Variants in ZNF622 observed in about 807,000 individuals in gnomAD.
ZNF622 encodes the protein zinc finger protein 622.
In ZNF622, 34 loss-of-function variants were observed where a neutral mutation model predicts 49.7. That is an observed-to-expected ratio of 0.68 (90% confidence interval 0.52 to 0.91). The LOEUF (loss-of-function observed/expected upper bound fraction) is 0.91, where lower values mean the gene tolerates loss of function less well. ZNF622 is among the 40% of genes least tolerant of loss of function. The pLI is 0.00. For missense variants in ZNF622, 569 were observed against 616.4 expected (o/e 0.92, Z 0.81); for synonymous variants, 209 against 228.7 (o/e 0.91, Z 0.78).
At chr5:16,460,710 T>C (rs1213763555) in intron 3 of ZNF622, among the ~76,000 whole-genome samples, 1 of 152,182 alleles carries the variant, frequency 6.6e-6, no homozygotes, top group Admixed American at 6.5e-5. Context: ...GGCTGACTTT[T>C]ATTTTTTTAA....
At position 16,463,200 on chromosome 5, in the gene ZNF622, T is replaced by A; in HGVS notation, c.957A>T (p.Glu319Asp). 6.2e-7 allele frequency: 1 copy of A among 1,613,910 alleles called. No homozygotes were observed. ...TGTCATTCATATGTGCCTGTACAGCTTCTGTGGAGTAGAAGGACTTCCCTT... is the reference window on the plus strand; with the variant it reads ...TGTCATTCATATGTGCCTGTACAGCATCTGTGGAGTAGAAGGACTTCCCTT... ...NEKGKSFYST[E>D]AVQAHMNDKS... Residue 319 changes from glutamate to aspartate, a missense_variant, in exon 3 of 6, where the codon GAA becomes GAT. By Grantham distance (45) the Glu-to-Asp change is conservative. Coordinates refer to ENST00000308683, the MANE Select transcript of ZNF622 (RefSeq NM_033414.3). The surrounding 1 kb of genome is among the most constrained non-coding windows in gnomAD (Gnocchi z 4.2).
intron 3 of ZNF622, among the ~76,000 whole-genome samples, 178 bp from the exon 4 acceptor site, chr5:16,458,807 T>C (rs917071392): frequency 6.6e-6 from 1 of 152,254 alleles, no homozygotes; most frequent in Non-Finnish European, 1.5e-5. Flanking sequence ...TAGCATTTTG[T>C]CTGTAGTAGA....
At chr5:16,452,446 T>A (rs1241784474) in intron 5 of ZNF622, among the ~76,000 whole-genome samples, 1 of 152,086 alleles carries the variant, frequency 6.6e-6, no homozygotes, top group Non-Finnish European at 1.5e-5. Flanking sequence ...AAATTTTCTA[T>A]GGGAAAATTA....
At position 16,465,687 on chromosome 5, in the gene ZNF622, C is replaced by G. The variant is rs1738210571; in HGVS notation, c.-22G>C. ...CCATTGCCAGGCGAGAAATAAGAAC[C>G]GACCAAGCCAAACACCTGGTGATCA... On this transcript the variant is annotated 5_prime_UTR_variant, in exon 1 of 6. Transcript: ENST00000308683. The surrounding 1 kb of genome is among the most constrained non-coding windows in gnomAD (Gnocchi z 6.2). The G allele has an allele frequency of 6.5e-7, 1 of 1,543,184 alleles. No individual in the cohort carries two copies. The highest frequency in any genetic ancestry group is 1.4e-5 in the African/African-American group (1 of 72,754).
chr5:16,452,991 G>A, intron 5 of ZNF622, 22 bp downstream of exon 5: 3 of 1,428,824 alleles, frequency 2.1e-6, no homozygotes, highest in South Asian at 1.6e-5. Flanking sequence ...AGACTGGTCT[G>A]TAGTTGTAAA....
rs750621849 is a variant in ZNF622 at position 16,463,730 on chromosome 5, A to G, written c.638T>C (p.Ile213Thr). The change falls in exon 2 of 6, where the codon ATT becomes ACT. Residue 213 changes from isoleucine (I) to threonine (T), a missense_variant. Transcript: ENST00000308683. The surrounding 1 kb of genome is among the most constrained non-coding windows in gnomAD (Gnocchi z 4.2). ...ACATTCCAATTCTTCATCAGAATCA[A>G]TATCTTCCCAATCTGCAAGCCAGAA... ...EDLDGDDWED[I>T]DSDEELECED... is the part of the protein sequence containing the mutation. 3 of 1,612,054 alleles carry G rather than the reference A, an allele frequency of 1.9e-6. No individual in the cohort carries two copies. The highest frequency in any genetic ancestry group is 2.5e-6 in the Non-Finnish European group (3 of 1,178,814).
intron 4 of ZNF622, among the ~76,000 whole-genome samples, chr5:16,455,561 C>T (rs1217445162): frequency 1.3e-5 from 2 of 152,070 alleles, no homozygotes; most frequent in African/African-American, 2.4e-5. Context: ...AGCTCTTAGA[C>T]CACAGGAAAT....
intron 3 of ZNF622, among the ~76,000 whole-genome samples, chr5:16,461,215 T>C (rs1738116897): frequency 1.3e-5 from 2 of 152,234 alleles, no homozygotes; most frequent in South Asian, 4.1e-4. Context: ...GAGGAATAGT[T>C]AGGAATCCAG....
chr5:16,451,690 C>T lies in ZNF622; in HGVS notation c.1401G>A (p.Lys467=). ...LKTGMKNNAT[K]QMHFRVQVRF is the part of the protein sequence containing the mutation. ...TCACTTGGACCCGAAAGTGCATCTG[C>T]TTGGTGGCATTGTTCTTCATTCCTG... The change falls in exon 6 of 6, where the codon AAG becomes AAA. Residue 467 remains lysine, a synonymous_variant. Transcript: ENST00000308683. 6.2e-7 allele frequency: 1 copy of T among 1,614,122 alleles called. No individual in the cohort carries two copies. The highest frequency in any genetic ancestry group is 8.5e-7 in the Non-Finnish European group (1 of 1,180,024).
At chr5:16,461,432 T>C (rs552405740) in intron 3 of ZNF622, among the ~76,000 whole-genome samples, 5 of 152,262 alleles carry the variant, frequency 3.3e-5, no homozygotes, top group African/African-American at 1.2e-4. Context: ...AGGATGTAAA[T>C]ATGGAGACCA....
Position 16,465,514 on chromosome 5 carries a change from A to C in ZNF622, c.152T>G (p.Val51Gly). Reference protein sequence around the residue: ...PVTAEGFQERVRAQRAVAEEE... With the variant: ...PVTAEGFQERGRAQRAVAEEE... ...CTCCGCGACGGCCCGCTGCGCCCGCACTCGCTCCTGGAAGCCCTCGGCGGT... is the reference window on the plus strand; with the variant it reads ...CTCCGCGACGGCCCGCTGCGCCCGCCCTCGCTCCTGGAAGCCCTCGGCGGT... The change falls in exon 1 of 6, where the codon GTG (valine) becomes GGG (glycine). Residue 51 changes from valine to glycine, a missense_variant. Physicochemically the swap from Val to Gly is moderately radical, Grantham distance 109 (BLOSUM62 -3). Coordinates refer to ENST00000308683, the MANE Select transcript of ZNF622 (RefSeq NM_033414.3). The surrounding 1 kb of genome is among the most constrained non-coding windows in gnomAD (Gnocchi z 6.2). 1 of 1,613,912 alleles carries C rather than the reference A, an allele frequency of 6.2e-7. No individual in the cohort carries two copies. Among genetic ancestry groups the C allele is most frequent in the Non-Finnish European group, 8.5e-7 (1 of 1,179,980 alleles).
At position 16,463,500 on chromosome 5, in the gene ZNF622, C is replaced by G; in HGVS notation, c.868G>C (p.Gly290Arg). ...TACTTACCCAAGTATTTAATCAGTC[C>G]CTTAATATCTGAAAGATATTCTATA... is the stretch of plus-strand genomic sequence containing the variant. ...PDIEYLSDIKGLIKYLGEKVG... is the reference protein window; with the variant it reads ...PDIEYLSDIKRLIKYLGEKVG... The change falls in exon 2 of 6, where the codon GGA becomes CGA. Residue 290 changes from glycine to arginine, a missense_variant. Gly to Arg is a moderately radical substitution (Grantham distance 125). Coordinates refer to ENST00000308683, the MANE Select transcript of ZNF622 (RefSeq NM_033414.3). The surrounding 1 kb of genome is among the most constrained non-coding windows in gnomAD (Gnocchi z 4.2). The G allele has an allele frequency of 6.2e-7, 1 of 1,612,448 alleles. No individual in the cohort carries two copies. The highest frequency in any genetic ancestry group is 8.5e-7 in the Non-Finnish European group (1 of 1,178,650).
Position 16,463,012 on chromosome 5 carries a change from T to C in ZNF622, c.1049+96A>G, listed in dbSNP as rs1416470311. ...TGTTATAAGTGTTATTAAGGATATG[T>C]TGTACAGTGCCAAACATATCCAGCA... On this transcript the variant is annotated intron_variant, in intron 3 of 5. Transcript: ENST00000308683. The surrounding 1 kb of genome is among the most constrained non-coding windows in gnomAD (Gnocchi z 4.2). The C allele has an allele frequency of 1.5e-5, 20 of 1,314,122 alleles. No homozygotes were observed. Among genetic ancestry groups the C allele is most frequent in the South Asian group, 3.0e-5 (2 of 66,836 alleles). The allele number at this position is 1,314,122 out of a possible 1,614,324, so 81.4% of individuals were successfully genotyped here.
chr5:16,457,177 T>C (rs755025982), intron 4 of ZNF622, among the ~76,000 whole-genome samples: 2 of 152,226 alleles, frequency 1.3e-5, no homozygotes, highest in Non-Finnish European at 2.9e-5. Context: ...GTTTGTAATA[T>C]ATTGTGCTAA....
In ZNF622 at chr5:16,463,262, C is replaced by G; in HGVS notation, c.895G>C (p.Val299Leu). The change falls in exon 3 of 6, where the codon GTT becomes CTT. Residue 299 changes from valine to leucine, a missense_variant. Coordinates refer to ENST00000308683, the MANE Select transcript of ZNF622 (RefSeq NM_033414.3). The surrounding 1 kb of genome is among the most constrained non-coding windows in gnomAD (Gnocchi z 4.2). ...KGLIKYLGEK[V>L]GVGKICLWCN... is the part of the protein sequence containing the mutation. The stretch of plus-strand genomic sequence containing the variant: ...CACAAGCAAATCTTGCCAACACCAA[C>G]TTTCTCTCCTAGAAAAATAATTTAA... 6.3e-7 allele frequency: 1 copy of G among 1,594,318 alleles called. No homozygotes were observed. The highest frequency in any genetic ancestry group is 2.2e-5 in the East Asian group (1 of 44,810).
In ZNF622 at chr5:16,451,866, A is replaced by T. The variant is rs759293844; in HGVS notation, c.1307-82T>A. The T allele has an allele frequency of 1.9e-5, 29 of 1,531,244 alleles. No homozygotes were observed. The Admixed American group carries it at 3.4e-4, about 18-fold the overall frequency. The allele number at this position is 1,531,244 out of a possible 1,614,324, so 94.9% of individuals were successfully genotyped here. On this transcript the variant is annotated intron_variant, in intron 5 of 5. Coordinates refer to ENST00000308683, the MANE Select transcript of ZNF622 (RefSeq NM_033414.3). ...AAAATCCAACCTTGGCAGAGAATTC[A>T]AAAGGTTAGTTTGGGGTAACTAGGT...
At chr5:16,464,863 A>G (rs113179190) in intron 1 of ZNF622, among the ~76,000 whole-genome samples, 178 bp downstream of exon 1, 4 of 152,344 alleles carry the variant, frequency 2.6e-5, no homozygotes, top group African/African-American at 9.6e-5. Flanking sequence ...TGAGTGAACT[A>G]AACAGCCAAA....
chr5:16,456,934 A>T (rs916095382), intron 4 of ZNF622, among the ~76,000 whole-genome samples: 2 of 152,082 alleles, frequency 1.3e-5, no homozygotes, highest in African/African-American at 4.8e-5. Flanking sequence ...AGCCATCTGG[A>T]TGTGGGAGAG....
In ZNF622 at chr5:16,465,219, T is replaced by TG; in HGVS notation, c.446dup (p.Ala150SerfsTer26). 1.2e-6 allele frequency: 2 copies of TG among 1,614,152 alleles called. No individual in the cohort carries two copies. The highest frequency in any genetic ancestry group is 1.1e-5 in the South Asian group (1 of 91,086). ...CATTCCTGGCCTCCTTTGCAGGCGC[T>TG]GGGGGCGCCTTCTTGGGAGACATGG... On this transcript the variant is annotated frameshift_variant, in exon 1 of 6. Transcript: ENST00000308683. LOFTEE classifies it high-confidence loss of function. This position sits in a 1 kb window ranked among gnomAD's most constrained non-coding sequence, Gnocchi z 6.2.
Sources: allele counts gnomAD v4.1 joint callset (sites outside exome capture counted in the v4.1 genomes callset), GRCh38; gene constraint gnomAD v4.1.1; non-coding constraint Gnocchi (gnomAD v3.1); transcripts MANE v1.5; gene names NCBI Gene and HGNC (gene_info 2026-07-23, HGNC 2026-07-21).